Variants in ASXL3 observed in about 807,000 individuals in gnomAD.
ASXL3 encodes ASXL transcriptional regulator 3.
Under a neutral mutation model 170.6 loss-of-function variants are expected in ASXL3, and 34 were observed. The ratio of observed to expected loss-of-function variants is 0.20; its 90% CI spans 0.15 to 0.27. The LOEUF is 0.27. Ranked by LOEUF, ASXL3 falls within the 10% of genes least tolerant of loss-of-function variation. The pLI is 1.00. For synonymous variants in ASXL3, 1,002 were observed against 989.1 expected (o/e 1.01, Z -0.24); for missense variants, 2,592 against 2,695.3 (o/e 0.96, Z 0.85).
At chr18:33,686,232 C>A (rs1175987534) in intron 8 of ASXL3, among the ~76,000 whole-genome samples, 1 of 152,038 alleles carries the variant, frequency 6.6e-6, no homozygotes, top group East Asian at 1.9e-4. Flanking sequence ...GTACTATACG[C>A]AAGAATGGAT....
chr18:33,732,080 C>A lies in ASXL3; in HGVS notation c.976+16C>A. On this transcript the variant is annotated intron_variant, in intron 9 of 11. Coordinates refer to ENST00000269197, the MANE Select transcript of ASXL3 (RefSeq NM_030632.3). ...CTGGCAGAAGGTAAATTTGTATTTTCTATTATTATGTGACATATTGGAGTA... is the reference window on the plus strand; with the variant it reads ...CTGGCAGAAGGTAAATTTGTATTTTATATTATTATGTGACATATTGGAGTA... 6.3e-7 allele frequency: 1 copy of A among 1,599,124 alleles called. No individual in the cohort carries two copies. The highest frequency in any genetic ancestry group is 8.6e-7 in the Non-Finnish European group (1 of 1,168,536).
chr18:33,740,147 C>T lies in ASXL3; in HGVS notation c.2743C>T (p.Pro915Ser), dbSNP rs267605174. The change falls in exon 11 of 12, where the codon CCA (proline) becomes TCA (serine). Residue 915 changes from proline to serine, a missense_variant. Transcript: ENST00000269197. ...KQYISSVDKA[P>S]FSEGSRNKTH... ...ATATATCTCATCAGTGGATAAGGCT[C>T]CATTTTCAGAAGGCTCTAGAAATAA... 1.9e-6 allele frequency: 3 copies of T among 1,613,896 alleles called. No individual in the cohort carries two copies. The highest frequency in any genetic ancestry group is 1.1e-5 in the South Asian group (1 of 91,080).
intron 8 of ASXL3, among the ~76,000 whole-genome samples, chr18:33,701,566 C>A (rs1192530854): frequency 6.6e-6 from 1 of 151,390 alleles, no homozygotes; most frequent in African/African-American, 2.4e-5. Context: ...GGGTTTTTTT[C>A]TTCACTGATT....
At chr18:33,670,217 A>G (rs577397287) in intron 5 of ASXL3, among the ~76,000 whole-genome samples, 5 of 152,342 alleles carry the variant, frequency 3.3e-5, no homozygotes, top group Non-Finnish European at 1.5e-5. Flanking sequence ...TAGTCCTTAC[A>G]TGCTGTACAT....
Position 33,746,478 on chromosome 18 carries a change from A to G in ASXL3, c.6630A>G (p.Glu2210=), listed in dbSNP as rs770019057. The change falls in exon 12 of 12, where the codon GAA becomes GAG. Residue 2210 remains glutamate, a synonymous_variant. Transcript: ENST00000269197. ...ACAGCAGCAATGCAGATGAATTGGA[A>G]CTGAAATGCTCTTGCCGGCTGAAAG... ...FADSSNADEL[E]LKCSCRLKAM... 6.2e-7 allele frequency: 1 copy of G among 1,614,076 alleles called. No homozygotes were observed. The highest frequency in any genetic ancestry group is 2.2e-5 in the East Asian group (1 of 44,874).
intron 7 of ASXL3, among the ~76,000 whole-genome samples, chr18:33,674,783 T>G (rs1298232591): frequency 2.6e-5 from 4 of 151,342 alleles, no homozygotes; most frequent in Non-Finnish European, 5.9e-5. Context: ...CACACCCGGC[T>G]AATTTTTTGT....
At chr18:33,616,687 G>C (rs1371201966) in intron 2 of ASXL3, 1 of 152,136 alleles carries the variant, frequency 6.6e-6, no homozygotes, top group African/African-American at 2.4e-5. Context: ...AGTTCTGGAA[G>C]ACAGAAAGCC....
At chr18:33,607,840 T>A (rs1170177870) in intron 2 of ASXL3, among the ~76,000 whole-genome samples, 164 bp downstream of exon 2, 2 of 152,020 alleles carry the variant, frequency 1.3e-5, no homozygotes, top group Non-Finnish European at 2.9e-5. Flanking sequence ...AAGATTTCCT[T>A]GGACTTGCCT....
intron 8 of ASXL3, among the ~76,000 whole-genome samples, chr18:33,701,490 G>A (rs891069650): frequency 1.3e-5 from 2 of 152,006 alleles, no homozygotes; most frequent in African/African-American, 4.8e-5. Flanking sequence ...AGTTTTCAGA[G>A]TATAAGTGTT....
intron 8 of ASXL3, among the ~76,000 whole-genome samples, chr18:33,725,247 A>T (rs539830193): frequency 1.1e-4 from 16 of 152,184 alleles, no homozygotes; most frequent in South Asian, 2.1e-4. Flanking sequence ...TGCTCTAAAG[A>T]TCCTATTGAT....
chr18:33,654,424 TTATATTG>T (rs1379296755), intron 4 of ASXL3, among the ~76,000 whole-genome samples: 1 of 152,114 alleles, frequency 6.6e-6, no homozygotes, highest in Non-Finnish European at 1.5e-5. Context: ...TTTTCTTTAG[TTATATTG>T]TATAAGCATT....
intron 2 of ASXL3, among the ~76,000 whole-genome samples, chr18:33,628,508 A>G (rs1242344877): frequency 1.3e-5 from 2 of 152,164 alleles, no homozygotes; most frequent in African/African-American, 4.8e-5. Flanking sequence ...TAAGATTATC[A>G]AATGAACAGG....
chr18:33,689,047 G>T (rs1242006791), intron 8 of ASXL3, among the ~76,000 whole-genome samples: 1 of 151,522 alleles, frequency 6.6e-6, no homozygotes, highest in East Asian at 1.9e-4. Flanking sequence ...AGGCTGGAGT[G>T]CAGTGGCGTG....
rs34145881 is a variant in ASXL3 at position 33,634,356 on chromosome 18, CA to C, written c.138-10533del. Among the ~76,000 whole-genome samples, 7 of 148,088 alleles carry C rather than the reference CA, an allele frequency of 4.7e-5. No homozygotes were observed. In the East Asian group the frequency reaches 1.4e-3, roughly 30 times the overall value. On this transcript the variant is annotated intron_variant, in intron 2 of 11. Coordinates refer to ENST00000269197, the MANE Select transcript of ASXL3 (RefSeq NM_030632.3). ...TTTTTTTTTTTTTAATAAAGTCTAA[CA>C]AAAAGCTGAAGTTGCTTTGATTTCC...
intron 8 of ASXL3, among the ~76,000 whole-genome samples, chr18:33,728,554 T>G (rs1482040995): frequency 6.6e-6 from 1 of 152,174 alleles, no homozygotes; most frequent in Non-Finnish European, 1.5e-5. Context: ...CTTATTGTCT[T>G]TACCAAAACT....
intron 5 of ASXL3, among the ~76,000 whole-genome samples, chr18:33,665,050 G>A (rs887969700): frequency 6.6e-6 from 1 of 151,904 alleles, no homozygotes; most frequent in Non-Finnish European, 1.5e-5. Context: ...GGGTATTTTA[G>A]TTATGATCCT....
chr18:33,657,372 A>C (rs1274675898), intron 4 of ASXL3, among the ~76,000 whole-genome samples: 1 of 152,060 alleles, frequency 6.6e-6, no homozygotes, highest in African/African-American at 2.4e-5. Context: ...GTGAGACAAG[A>C]GAGATAGATC....
chr18:33,746,138 G>C lies in ASXL3; in HGVS notation c.6290G>C (p.Gly2097Ala), dbSNP rs2067786535. ...EEGLSSSCEL[G>A]MKQVSYDQNE... ...GGTTTAAGCAGCAGCTGTGAACTGG[G>C]CATGAAACAAGTTTCCTATGACCAG... Residue 2097 changes from glycine to alanine, a missense_variant, in exon 12 of 12, where the codon GGC becomes GCC. This residue lies in a region of ASXL3 where 2,246 missense variants were observed against 2,219.6 expected (regional missense o/e 1.01). Transcript: ENST00000269197. 2 of 1,613,616 alleles carry C rather than the reference G, an allele frequency of 1.2e-6. No homozygotes were observed. Among genetic ancestry groups the C allele is most frequent in the South Asian group, 1.1e-5 (1 of 91,068 alleles).
At chr18:33,690,985 C>T (rs370528471) in intron 8 of ASXL3, among the ~76,000 whole-genome samples, 3 of 152,204 alleles carry the variant, frequency 2.0e-5, no homozygotes, top group Admixed American at 1.3e-4. Context: ...CTCTGTGATT[C>T]CCTCCTGGAC....
Sources: allele counts gnomAD v4.1 joint callset (sites outside exome capture counted in the v4.1 genomes callset), GRCh38; gene constraint gnomAD v4.1.1; regional missense constraint gnomAD v4.1.1; transcripts MANE v1.5; gene names NCBI Gene and HGNC (gene_info 2026-07-23, HGNC 2026-07-21).